Variants in ASIC2 observed in about 807,000 individuals in gnomAD.
ASIC2 encodes acid sensing ion channel subunit 2.
In ASIC2, 25 loss-of-function variants were observed where a neutral mutation model predicts 57.3. The observed-to-expected ratio is 0.44, with a 90% CI of 0.32 to 0.61. ASIC2 has a LOEUF of 0.61. Ranked by LOEUF, ASIC2 falls within the 20% of genes least tolerant of loss-of-function variation. The pLI, the probability that ASIC2 is intolerant of heterozygous loss-of-function variation, is 0.06. For missense variants in ASIC2, 641 were observed against 738.1 expected (o/e 0.87, Z 1.52); for synonymous variants, 319 against 307.5 (o/e 1.04, Z -0.39).
At chr17:33,186,989 TTGGA>T (rs1435562755) in intron 1 of ASIC2, among the ~76,000 whole-genome samples, 5 of 152,012 alleles carry the variant, frequency 3.3e-5, no homozygotes, top group Non-Finnish European at 7.4e-5. Context: ...AGCTCAGTGG[TTGGA>T]CTGAGAAGAA....
At chr17:34,087,170 G>A (rs188682857) in intron 1 of ASIC2, among the ~76,000 whole-genome samples, 162 of 152,098 alleles carry the variant, frequency 1.1e-3, no homozygotes, top group Middle Eastern at 0.01. Context: ...TTTTGCAGTG[G>A]CTGGTACCGG....
chr17:33,437,556 C>T (rs540118984), intron 1 of ASIC2, among the ~76,000 whole-genome samples: 1 of 152,224 alleles, frequency 6.6e-6, no homozygotes, highest in East Asian at 1.9e-4. Context: ...AATCCCAGCA[C>T]TCTGGGAGGC....
intron 1 of ASIC2, among the ~76,000 whole-genome samples, chr17:33,225,286 G>A (rs1412410103): frequency 6.6e-6 from 1 of 152,166 alleles, no homozygotes; most frequent in African/African-American, 2.4e-5. Flanking sequence ...TGTACAGAGA[G>A]GTGAGATATT....
At chr17:33,565,130 C>A (rs1367505885) in intron 1 of ASIC2, among the ~76,000 whole-genome samples, 1 of 152,132 alleles carries the variant, frequency 6.6e-6, no homozygotes, top group African/African-American at 2.4e-5. Context: ...AGGGTCTCCC[C>A]GACTGAGTTG....
intron 1 of ASIC2, among the ~76,000 whole-genome samples, chr17:33,390,075 G>T (rs1461940277): frequency 6.6e-6 from 1 of 152,098 alleles, no homozygotes; most frequent in Non-Finnish European, 1.5e-5. Context: ...TACTTTGGGA[G>T]GCTGAGGCAG....
intron 2 of ASIC2, among the ~76,000 whole-genome samples, chr17:33,096,400 C>T (rs1402770519): frequency 1.2e-4 from 19 of 152,226 alleles, no homozygotes; most frequent in Admixed American, 1.2e-3. Context: ...TGTCTATTTT[C>T]TGCATCACAC....
intron 3 of ASIC2, among the ~76,000 whole-genome samples, chr17:33,034,561 T>A (rs2091901050): frequency 6.6e-6 from 1 of 152,224 alleles, no homozygotes; most frequent in African/African-American, 2.4e-5. Flanking sequence ...GTCTTAGTTT[T>A]TTTTTGTTAT....
At chr17:33,023,818 C>A in intron 6 of ASIC2, 43 bp downstream of exon 6, 1 of 1,610,860 alleles carries the variant, frequency 6.2e-7, no homozygotes, top group Non-Finnish European at 8.5e-7. Context: ...TCCTCCTTAT[C>A]CAGTTCCCCC....
At chr17:34,038,651 A>G in intron 1 of ASIC2, 1 of 1,587,866 alleles carries the variant, frequency 6.3e-7, no homozygotes, top group Non-Finnish European at 8.6e-7. Context: ...AACCCTTTCT[A>G]GCCTCTCCAG....
intron 1 of ASIC2, among the ~76,000 whole-genome samples, chr17:33,364,144 G>T (rs1384353158): frequency 6.6e-6 from 1 of 152,108 alleles, no homozygotes. Flanking sequence ...CATAGTCTAG[G>T]GCTCTTTCTG....
At chr17:33,683,741 C>G (rs1303104281) in intron 1 of ASIC2, among the ~76,000 whole-genome samples, 1 of 152,096 alleles carries the variant, frequency 6.6e-6, no homozygotes, top group African/African-American at 2.4e-5. Context: ...AGGGGTCTTG[C>G]TATGTTGCCC....
chr17:33,476,046 A>G (rs1913209365), intron 1 of ASIC2, among the ~76,000 whole-genome samples: 1 of 152,190 alleles, frequency 6.6e-6, no homozygotes, highest in Non-Finnish European at 1.5e-5. Context: ...AAAGCATGAA[A>G]CTGTCACCAG....
chr17:33,225,064 G>A (rs1356946657), intron 1 of ASIC2, among the ~76,000 whole-genome samples: 1 of 152,144 alleles, frequency 6.6e-6, no homozygotes, highest in Admixed American at 6.5e-5. Flanking sequence ...CATAGAAAAG[G>A]CACCTCCTGA....
rs77607553 is a variant in ASIC2, at chr17:33,377,884, A to G, written c.556-265817T>C. ...TGCAAGAATATGAAAGAATCCAGAGATCACTGCATGCTATTTTATCAAAAT... is the reference window on the plus strand; with the variant it reads ...TGCAAGAATATGAAAGAATCCAGAGGTCACTGCATGCTATTTTATCAAAAT... On this transcript the variant is annotated intron_variant, in intron 1 of 9. Coordinates refer to the ASIC2 transcript ENST00000359872. Among the ~76,000 whole-genome samples the G allele has an allele frequency of 1.6e-3, 245 of 152,354 alleles. 4 individuals are homozygous for G. In the East Asian group the frequency reaches 0.041, roughly 25 times the overall value.
intron 1 of ASIC2, among the ~76,000 whole-genome samples, chr17:33,673,575 CA>C (rs1407235206): frequency 6.6e-6 from 1 of 152,136 alleles, no homozygotes; most frequent in East Asian, 1.9e-4. Flanking sequence ...CACATATCAC[CA>C]GGGAGCAGGA....
intron 1 of ASIC2, among the ~76,000 whole-genome samples, chr17:33,773,968 C>T (rs1911192574): frequency 6.6e-6 from 1 of 152,060 alleles, no homozygotes; most frequent in South Asian, 2.1e-4. Context: ...ATGTCTTACC[C>T]ATAGGTTTAG....
At chr17:33,503,130 G>A (rs533415959) in intron 1 of ASIC2, among the ~76,000 whole-genome samples, 69 of 152,230 alleles carry the variant, frequency 4.5e-4, no homozygotes, top group Non-Finnish European at 4.1e-4. Flanking sequence ...GACAATGGGC[G>A]TGGAAGTGAT....
chr17:34,017,566 C>T (rs1257152558), intron 1 of ASIC2, among the ~76,000 whole-genome samples: 1 of 152,164 alleles, frequency 6.6e-6, no homozygotes, highest in African/African-American at 2.4e-5. Flanking sequence ...TCCTCTTGCA[C>T]CAAAAAGTTA....
At chr17:33,647,289 A>G (rs1233377989) in intron 1 of ASIC2, among the ~76,000 whole-genome samples, 5 of 152,228 alleles carry the variant, frequency 3.3e-5, no homozygotes, top group Non-Finnish European at 7.3e-5. Context: ...ACTCCTTGGC[A>G]TAAAATAGAT....
Sources: allele counts gnomAD v4.1 joint callset (sites outside exome capture counted in the v4.1 genomes callset), GRCh38; gene constraint gnomAD v4.1.1; transcripts MANE v1.5; gene names NCBI Gene and HGNC (gene_info 2026-07-23, HGNC 2026-07-21).